VPS36: variants seen among roughly 807,000 people sequenced by gnomAD.
VPS36 encodes vacuolar protein sorting 36 homolog, also known as vacuolar protein-sorting-associated protein 36.
In VPS36, 31 loss-of-function variants were observed where a neutral mutation model predicts 63.5. The observed-to-expected ratio is 0.49, with a 90% confidence interval of 0.37 to 0.66. VPS36 has a LOEUF of 0.66. Ranked by LOEUF, VPS36 falls within the 30% of genes least tolerant of loss-of-function variation. The pLI is 0.00. For missense variants in VPS36, 338 were observed against 463.7 expected, an observed-to-expected ratio of 0.73 and a Z score of 2.49; for synonymous variants, 138 against 157.2, an observed-to-expected ratio of 0.88 and a Z score of 0.91.
chr13:52,420,011 G>A (rs550089419), intron 10 of VPS36, among the ~76,000 whole-genome samples: 3 of 152,002 alleles, frequency 2.0e-5, no homozygotes, highest in Non-Finnish European at 4.4e-5. Flanking sequence ...GAGGCCAAGG[G>A]GGGTGGATCA....
chr13:52,416,183 T>A (rs1957990825), intron 12 of VPS36, 90 bp from the exon 13 acceptor site: 5 of 1,180,284 alleles, frequency 4.2e-6, no homozygotes, highest in South Asian at 2.8e-5. Context: ...GCAGAATGTA[T>A]ACCAGTATAT....
At chr13:52,442,584 A>G (rs756420132) in intron 1 of VPS36, 139 bp from the exon 2 acceptor site, 5 of 713,820 alleles carry the variant, frequency 7.0e-6, no homozygotes, top group Non-Finnish European at 1.1e-5. Context: ...TCACAAATTA[A>G]AGAGAACCAA....
chr13:52,446,869 G>A (rs1022738893), intron 1 of VPS36, among the ~76,000 whole-genome samples: 8 of 147,430 alleles, frequency 5.4e-5, no homozygotes, highest in Non-Finnish European at 1.0e-4. Flanking sequence ...GCTAATTAGG[G>A]CATGCCATAA....
chr13:52,436,479 T>C (rs1958219558), intron 3 of VPS36, 75 bp from the exon 4 acceptor site: 3 of 1,056,770 alleles, frequency 2.8e-6, no homozygotes, highest in Middle Eastern at 2.3e-4. Context: ...TATAACTTTT[T>C]ATGTATTTCA....
chr13:52,439,053 G>A, intron 3 of VPS36, 45 bp downstream of exon 3: 2 of 1,571,920 alleles, frequency 1.3e-6, no homozygotes, highest in South Asian at 2.3e-5. Context: ...TAGCATAACA[G>A]GAAATGTTTT....
At chr13:52,441,239 G>T (rs1464488076) in intron 2 of VPS36, among the ~76,000 whole-genome samples, 1 of 152,112 alleles carries the variant, frequency 6.6e-6, no homozygotes, top group Non-Finnish European at 1.5e-5. Context: ...ATATTGTAAT[G>T]GTTAGCAGCC....
At chr13:52,430,121 G>GA (rs777161326) in intron 6 of VPS36, among the ~76,000 whole-genome samples, 5 of 149,482 alleles carry the variant, frequency 3.3e-5, no homozygotes, top group Non-Finnish European at 7.4e-5. Context: ...AAAAATAAAA[G>GA]AAAAAAATCA....
At chr13:52,434,772 A>G in intron 5 of VPS36, 21 bp downstream of exon 5, 1 of 1,600,162 alleles carries the variant, frequency 6.2e-7, no homozygotes, top group Non-Finnish European at 8.5e-7. Context: ...ATACTGGATT[A>G]GCAAATAGTT....
intron 9 of VPS36, among the ~76,000 whole-genome samples, chr13:52,424,434 T>C (rs1468670972): frequency 1.3e-5 from 2 of 152,032 alleles, no homozygotes; most frequent in African/African-American, 4.8e-5. Flanking sequence ...CTCTATGAAA[T>C]AGTCCTGCAA....
chr13:52,441,975 A>C (rs1424848485), intron 2 of VPS36, among the ~76,000 whole-genome samples: 4 of 152,176 alleles, frequency 2.6e-5, no homozygotes, highest in African/African-American at 9.7e-5. Context: ...TTAGATATAG[A>C]GTAGAATTTG....
chr13:52,425,252 CAAAAAA>C (rs748988364), intron 9 of VPS36, among the ~76,000 whole-genome samples: 2 of 67,352 alleles, frequency 3.0e-5, no homozygotes, highest in Non-Finnish European at 6.1e-5. Context: ...GACTCCGCCT[CAAAAAA>C]AAAAAAAAAA....
In VPS36 at chr13:52,414,048, G is replaced by T. The variant is rs1594109700; in HGVS notation, c.*1782C>A. On this transcript the variant is annotated 3_prime_UTR_variant, in exon 14 of 14. Transcript: ENST00000378060. ...TAAACAAATATGTTAAATTATGTAG[G>T]TTTGCAGTAATGAATCCAAACCATT... is the stretch of plus-strand genomic sequence containing the variant. The T allele has an allele frequency of 1.3e-5, 2 of 152,116 alleles. No individual in the cohort carries two copies. The highest frequency in any genetic ancestry group is 3.9e-4 in the East Asian group (2 of 5,172). The allele number at this position is 152,116 out of a possible 1,614,324, so 9.4% of individuals were successfully genotyped here.
intron 1 of VPS36, chr13:52,450,027 G>C (rs1958385060): frequency 1.0e-6 from 1 of 986,836 alleles, no homozygotes; most frequent in Admixed American, 6.1e-5. Flanking sequence ...CTTCCGCTGG[G>C]GCACGGACTG....
intron 6 of VPS36, among the ~76,000 whole-genome samples, chr13:52,429,608 G>A (rs1239875211): frequency 6.6e-6 from 1 of 152,116 alleles, no homozygotes; most frequent in Non-Finnish European, 1.5e-5. Context: ...AATATCTGCT[G>A]AATAAATTAA....
chr13:52,445,560 A>G (rs1398524721), intron 1 of VPS36, among the ~76,000 whole-genome samples: 3 of 148,246 alleles, frequency 2.0e-5, no homozygotes, highest in Non-Finnish European at 4.4e-5. Flanking sequence ...AATGGCGTGA[A>G]CTCGGGAGGT....
chr13:52,437,929 C>CAAA (rs369189627), intron 3 of VPS36, among the ~76,000 whole-genome samples: 39 of 127,006 alleles, frequency 3.1e-4, no homozygotes, highest in African/African-American at 1.1e-3. Context: ...GACGCTGCCT[C>CAAA]AAAAAAAAAA....
chr13:52,416,500 T>G (rs1360737053), intron 12 of VPS36, among the ~76,000 whole-genome samples: 3 of 152,228 alleles, frequency 2.0e-5, no homozygotes, highest in Admixed American at 2.0e-4. Context: ...CTTGGGGTTT[T>G]CATCTAGTTG....
At chr13:52,437,056 T>C (rs76746430) in intron 3 of VPS36, among the ~76,000 whole-genome samples, 6 of 144,366 alleles carry the variant, frequency 4.2e-5, no homozygotes, top group Non-Finnish European at 7.6e-5. Flanking sequence ...GTTTTCCTCC[T>C]TTTTTTTTTT....
intron 2 of VPS36, among the ~76,000 whole-genome samples, chr13:52,440,590 G>A (rs1363952865): frequency 6.6e-6 from 1 of 152,112 alleles, no homozygotes; most frequent in Non-Finnish European, 1.5e-5. Flanking sequence ...ACTGCGCCTA[G>A]CCCAATTTTT....
Sources: allele counts gnomAD v4.1 joint callset (sites outside exome capture counted in the v4.1 genomes callset), GRCh38; gene constraint gnomAD v4.1.1; transcripts MANE v1.5; gene names NCBI Gene and HGNC (gene_info 2026-07-23, HGNC 2026-07-21).